CD58: variants seen among roughly 807,000 people sequenced by gnomAD.
CD58 encodes the protein CD58 molecule, also known as lymphocyte function-associated antigen 3.
A neutral mutation model predicts 27.6 loss-of-function variants in CD58; 14 were observed. The observed-to-expected ratio is 0.51, with a 90% CI of 0.34 to 0.79. CD58 has a LOEUF of 0.79. Ranked by LOEUF, CD58 falls within the 30% of genes least tolerant of loss-of-function variation. The pLI is 0.02. For missense variants in CD58, 268 were observed against 301.7 expected (o/e 0.89, Z 0.83); for synonymous variants, 117 against 103.8 (o/e 1.13, Z -0.77).
intron 4 of CD58, among the ~76,000 whole-genome samples, chr1:116,520,171 G>A (rs1276461693): frequency 2.0e-4 from 31 of 152,194 alleles, no homozygotes. Flanking sequence ...CCATCACCCA[G>A]GCTGGAGTGC....
At chr1:116,544,021 G>T (rs1226822231) in intron 2 of CD58, among the ~76,000 whole-genome samples, 2 of 152,126 alleles carry the variant, frequency 1.3e-5, no homozygotes, top group Admixed American at 1.3e-4. Context: ...TCTATCAGTG[G>T]AGCCCAAAGA....
At chr1:116,545,878 T>A (rs1475195254) in intron 1 of CD58, among the ~76,000 whole-genome samples, 1 of 152,200 alleles carries the variant, frequency 6.6e-6, no homozygotes, top group East Asian at 1.9e-4. Flanking sequence ...ACTTGTCTCT[T>A]GTTAAGAGAG....
At chr1:116,545,123 G>A (rs1435565990) in intron 1 of CD58, among the ~76,000 whole-genome samples, 1 of 152,204 alleles carries the variant, frequency 6.6e-6, no homozygotes, top group African/African-American at 2.4e-5. Context: ...AAAGAGCATG[G>A]TGTGCTTGAG....
rs1429173086 is a variant in CD58 at position 116,563,659 on chromosome 1, C to T, written c.70+7244G>A. 1.3e-5 allele frequency among the ~76,000 whole-genome samples: 2 copies of T among 152,350 alleles called. No homozygotes were observed. Among genetic ancestry groups the T allele is most frequent in the African/African-American group, 2.4e-5 (1 of 41,590 alleles). On this transcript the variant is annotated intron_variant, in intron 1 of 5. Coordinates refer to ENST00000369489, the MANE Select transcript of CD58 (RefSeq NM_001779.3). This position sits in a 1 kb window ranked among gnomAD's most constrained non-coding sequence, Gnocchi z 4.1. The stretch of plus-strand genomic sequence containing the variant: ...CACCAAGGCTTACCCTCTGAAGCAA[C>T]AGCCTGAGTGGTATGTTGGCCCCTT...
At chr1:116,564,249 T>G (rs1256367735) in intron 1 of CD58, among the ~76,000 whole-genome samples, 3 of 152,208 alleles carry the variant, frequency 2.0e-5, no homozygotes, top group Non-Finnish European at 2.9e-5. Context: ...CAATTGTTCC[T>G]CATCTCCATC....
intron 1 of CD58, among the ~76,000 whole-genome samples, chr1:116,544,831 C>T (rs548651547): frequency 1.3e-5 from 2 of 152,272 alleles, no homozygotes; most frequent in South Asian, 2.1e-4. Context: ...CCAGGTAGTA[C>T]GGGCTGGGCT....
intron 1 of CD58, among the ~76,000 whole-genome samples, chr1:116,556,255 G>GAAAAAAA (rs1158092746): frequency 3.4e-5 from 1 of 29,830 alleles, no homozygotes; most frequent in African/African-American, 1.0e-4. Context: ...CTCCATCTCA[G>GAAAAAAA]AAAAAAAAAA....
intron 3 of CD58, chr1:116,533,060 T>C: frequency 1.4e-6 from 1 of 732,224 alleles, no homozygotes; most frequent in South Asian, 1.4e-5. Flanking sequence ...TTCGTCAAAA[T>C]TGTCATCATC....
At chr1:116,560,982 C>T (rs1658732240) in intron 1 of CD58, among the ~76,000 whole-genome samples, 1 of 152,158 alleles carries the variant, frequency 6.6e-6, no homozygotes. Flanking sequence ...GGTCACCCCT[C>T]AAGTAAAGCT....
chr1:116,518,085 T>G (rs1371288089), intron 5 of CD58, among the ~76,000 whole-genome samples: 1 of 152,238 alleles, frequency 6.6e-6, no homozygotes, highest in East Asian at 1.9e-4. Context: ...TGATTATCTA[T>G]GCTATCATTG....
In CD58 at chr1:116,532,309, G is replaced by A. The variant is rs550841285; in HGVS notation, c.628+3656C>T. Among the ~76,000 whole-genome samples, 1 of 152,286 alleles carries A rather than the reference G, an allele frequency of 6.6e-6. No individual in the cohort carries two copies. Among genetic ancestry groups the A allele is most frequent in the Admixed American group, 6.5e-5 (1 of 15,298 alleles). ...GGCAAGAAGGGATAAATAAATATGA[G>A]GTGACCCGTGGCAGCTCTCGCCTGA... On this transcript the variant is annotated intron_variant, in intron 3 of 5. Coordinates refer to ENST00000369489, the MANE Select transcript of CD58 (RefSeq NM_001779.3). The surrounding 1 kb of genome is among the most constrained non-coding windows in gnomAD (Gnocchi z 5.1).
intron 1 of CD58, among the ~76,000 whole-genome samples, chr1:116,564,268 G>A (rs1658860783): frequency 6.6e-6 from 1 of 152,032 alleles, no homozygotes; most frequent in African/African-American, 2.4e-5. Context: ...TCTGAGATGA[G>A]CAGCATTTGG....
In CD58 at chr1:116,521,954, G is replaced by A; in HGVS notation, c.658C>T (p.Pro220Ser). The change falls in exon 4 of 6, where the codon CCC (proline) becomes TCC (serine). Residue 220 changes from proline (P) to serine (S), a missense_variant. Pro to Ser is a moderately conservative substitution (Grantham distance 74, BLOSUM62 -1). Coordinates refer to ENST00000369489, the MANE Select transcript of CD58 (RefSeq NM_001779.3). The surrounding 1 kb of genome is among the most constrained non-coding windows in gnomAD (Gnocchi z 5.6). ...GTTGTAATTACTGCTAATGGTATGGGTATAAGTGCATATCTGTGTCTTGAA... is the reference window on the plus strand; with the variant it reads ...GTTGTAATTACTGCTAATGGTATGGATATAAGTGCATATCTGTGTCTTGAA... ...GHSRHRYALIPIPLAVITTCI... is the reference protein window; with the variant it reads ...GHSRHRYALISIPLAVITTCI... 6.3e-7 allele frequency: 1 copy of A among 1,581,918 alleles called. No individual in the cohort carries two copies.
chr1:116,568,294 A>G lies in CD58; in HGVS notation c.70+2609T>C, dbSNP rs533021132. 2.6e-5 allele frequency among the ~76,000 whole-genome samples: 4 copies of G among 152,276 alleles called. No homozygotes were observed. The South Asian group carries it at 8.3e-4, about 32-fold the overall frequency. On this transcript the variant is annotated intron_variant, in intron 1 of 5. Transcript: ENST00000369489. ...GGTGTCATGAGATCTGAAACTCTCA[A>G]ATGGTTTGGCAAAAATAACAGATGG...
Position 116,519,318 on chromosome 1 carries a change from G to T in CD58, c.707-51C>A. The T allele has an allele frequency of 6.4e-7, 1 of 1,551,212 alleles. No individual in the cohort carries two copies. The highest frequency in any genetic ancestry group is 8.8e-7 in the Non-Finnish European group (1 of 1,131,538). On this transcript the variant is annotated intron_variant, in intron 4 of 5. Transcript: ENST00000369489. The surrounding 1 kb of genome is among the most constrained non-coding windows in gnomAD (Gnocchi z 4.7). ...AATTAAAGAACTGAAAAGAAAAGGT[G>T]AAATGTGGAGTTACTGACTGCCTAT...
In CD58 at chr1:116,534,288, C is replaced by T. The variant is rs1210168735; in HGVS notation, c.628+1677G>A. Reference sequence around the variant, plus strand: ...TCCACACGAAACTTACAATCAAAACCCCAGTTAGCCCAGCCTGACCCCACA... The same window carrying T: ...TCCACACGAAACTTACAATCAAAACTCCAGTTAGCCCAGCCTGACCCCACA... On this transcript the variant is annotated intron_variant, in intron 3 of 5. Coordinates refer to ENST00000369489, the MANE Select transcript of CD58 (RefSeq NM_001779.3). The surrounding 1 kb of genome is among the most constrained non-coding windows in gnomAD (Gnocchi z 5.3). 6.6e-6 allele frequency among the ~76,000 whole-genome samples: 1 copy of T among 152,212 alleles called. No homozygotes were observed. Among genetic ancestry groups the T allele is most frequent in the Admixed American group, 6.5e-5 (1 of 15,280 alleles).
At chr1:116,525,852 T>A (rs1409676944) in intron 3 of CD58, among the ~76,000 whole-genome samples, 1 of 152,248 alleles carries the variant, frequency 6.6e-6, no homozygotes, top group African/African-American at 2.4e-5. Flanking sequence ...GGTTTCCCCA[T>A]GTTGGCCAGG....
chr1:116,515,214 T>C lies in CD58; in HGVS notation c.744-392A>G, dbSNP rs948683122. Among the ~76,000 whole-genome samples, 2 of 152,212 alleles carry C rather than the reference T, an allele frequency of 1.3e-5. No homozygotes were observed. Among genetic ancestry groups the C allele is most frequent in the Admixed American group, 6.5e-5 (1 of 15,280 alleles). ...GATGGTTTTCTTCCTACCTCAAACT[T>C]ACCTTCCTGTTTAGTCACCTCTGTG... On this transcript the variant is annotated intron_variant, in intron 5 of 5. Transcript: ENST00000369489. The surrounding 1 kb of genome is among the most constrained non-coding windows in gnomAD (Gnocchi z 4.6).
At position 116,515,248 on chromosome 1, in the gene CD58, A is replaced by C. The variant is rs1468252024; in HGVS notation, c.744-426T>G. On this transcript the variant is annotated intron_variant, in intron 5 of 5. Coordinates refer to ENST00000369489, the MANE Select transcript of CD58 (RefSeq NM_001779.3). The surrounding 1 kb of genome is among the most constrained non-coding windows in gnomAD (Gnocchi z 4.6). ...GTTTAGTCACCTCTGTGGCAACGAC[A>C]GAACAATCTCTGGCTGTCTTGGAGT... 6.6e-6 allele frequency among the ~76,000 whole-genome samples: 1 copy of C among 152,242 alleles called. No homozygotes were observed.
Sources: allele counts gnomAD v4.1 joint callset (sites outside exome capture counted in the v4.1 genomes callset), GRCh38; gene constraint gnomAD v4.1.1; non-coding constraint Gnocchi (gnomAD v3.1); transcripts MANE v1.5; gene names NCBI Gene and HGNC (gene_info 2026-07-23, HGNC 2026-07-21).